Variants in PDE4C observed in about 807,000 individuals in gnomAD.
PDE4C encodes 3',5'-cyclic-AMP phosphodiesterase 4C.
In PDE4C, 50 loss-of-function variants were observed where a neutral mutation model predicts 63.9. The observed-to-expected ratio is 0.78, with a 90% confidence interval of 0.62 to 0.99. The LOEUF is 0.99. Among genes scored for constraint, PDE4C ranks in the 50% least tolerant of loss-of-function variants. The probability of loss-of-function intolerance (pLI) is 0.00; values close to 1 mark genes in which losing one functional copy is unlikely to be tolerated. For missense variants in PDE4C, 777 were observed against 899.1 expected, an observed-to-expected ratio of 0.86 and a Z score of 1.74; for synonymous variants, 377 against 385.1, an observed-to-expected ratio of 0.98 and a Z score of 0.25.
chr19:18,221,727 C>T (rs930018883), intron 2 of PDE4C, among the ~76,000 whole-genome samples: 1 of 152,056 alleles, frequency 6.6e-6, no homozygotes, highest in Non-Finnish European at 1.5e-5. Flanking sequence ...TGGGTTCAAG[C>T]GATTCTCGTG....
the PDE4C span, among the ~76,000 whole-genome samples, chr19:18,254,206 G>A: frequency 3.3e-5 from 5 of 152,190 alleles, no homozygotes; most frequent in Middle Eastern, 3.2e-3. Flanking sequence ...TGGGAAGAAC[G>A]CCCCTCAAGG....
At position 18,247,106 on chromosome 19, in the gene PDE4C, C is replaced by T. The variant is rs533730529; in HGVS notation, c.-210+1065G>A. The stretch of plus-strand genomic sequence containing the variant: ...GACCTCATGACCCACTGCTCAGGCC[C>T]GGGGGCAGCCAGGTCCCCTTTTCTT... On this transcript the variant is annotated intron_variant, in intron 1 of 15. Transcript: ENST00000594617. Among the ~76,000 whole-genome samples, 98 of 152,274 alleles carry T rather than the reference C, an allele frequency of 6.4e-4. 1 individual carries two copies. In the Middle Eastern group the frequency reaches 0.01, roughly 16 times the overall value.
intron 1 of PDE4C, chr19:18,248,125 C>G (rs1429734313): frequency 2.2e-6 from 1 of 455,566 alleles, no homozygotes; most frequent in South Asian, 1.5e-5. Context: ...CCCCCAAGCT[C>G]AAGAATAAGC....
upstream of PDE4C, among the ~76,000 whole-genome samples, chr19:18,229,894 C>A (rs146257556): frequency 6.6e-6 from 1 of 152,240 alleles, no homozygotes; most frequent in East Asian, 1.9e-4. Context: ...CACCTCACTT[C>A]TCTTGGCTTA....
intron 1 of PDE4C, among the ~76,000 whole-genome samples, chr19:18,240,778 G>C (rs1161780201): frequency 6.6e-6 from 1 of 152,228 alleles, no homozygotes; most frequent in African/African-American, 2.4e-5. Context: ...ATCAGGACCA[G>C]AGCCAGGGCA....
chr19:18,225,902 C>T (rs1026902186), intron 1 of PDE4C: 2 of 199,248 alleles, frequency 1.0e-5, no homozygotes, highest in Admixed American at 1.2e-4. Context: ...CCCCTCCTCC[C>T]ACTGCCAGGA....
intron 1 of PDE4C, among the ~76,000 whole-genome samples, chr19:18,247,287 T>G (rs1297033474): frequency 1.3e-5 from 2 of 152,002 alleles, no homozygotes; most frequent in Non-Finnish European, 2.9e-5. Context: ...CGAGCAGCTC[T>G]AAGTGTTTCT....
intron 13 of PDE4C, 118 bp from the exon 14 acceptor site, chr19:18,212,059 G>C (rs1967974757): frequency 1.0e-6 from 1 of 969,560 alleles, no homozygotes; most frequent in Non-Finnish European, 1.6e-6. Flanking sequence ...GGAAACTGAG[G>C]CCTGAGACCT....
intron 1 of PDE4C, among the ~76,000 whole-genome samples, chr19:18,246,917 A>C (rs1257102032): frequency 1.3e-5 from 2 of 152,142 alleles, no homozygotes; most frequent in African/African-American, 2.4e-5. Context: ...ACAGAGTGAG[A>C]CCCTGTCTAA....
intron 14 of PDE4C, 91 bp from the exon 15 acceptor site, chr19:18,211,367 C>T (rs1292223711): frequency 2.7e-6 from 3 of 1,120,654 alleles, no homozygotes; most frequent in South Asian, 1.6e-5. Context: ...CAAGTTGTTC[C>T]CTCTGCCTGG....
chr19:18,222,217 G>T, exon 2 of PDE4C: 1 of 1,614,140 alleles, frequency 6.2e-7, no homozygotes, highest in Non-Finnish European at 8.5e-7. Context: ...AAGGACTCGC[G>T]CCGCTGGCTG....
At chr19:18,252,659 C>T (rs987183608), upstream of PDE4C, among the ~76,000 whole-genome samples, 4 of 151,878 alleles carry the variant, frequency 2.6e-5, no homozygotes, top group Non-Finnish European at 5.9e-5. Context: ...GCTCTGTCAC[C>T]CAGGCTGGAG....
upstream of PDE4C, chr19:18,252,258 A>C: frequency 2.5e-6 from 1 of 399,106 alleles, no homozygotes; most frequent in Non-Finnish European, 4.4e-6. Flanking sequence ...GGAGGGTATC[A>C]TCCTTGAATC....
chr19:18,208,690 C>T (rs973124557), downstream of PDE4C: 1 of 152,258 alleles, frequency 6.6e-6, no homozygotes, highest in Non-Finnish European at 1.5e-5. Context: ...CAGATAAATG[C>T]TCAGTACCCC....
Position 18,218,407 on chromosome 19 carries a change from G to A in PDE4C, c.1061C>T (p.Ala354Val), listed in dbSNP as rs753824973. The A allele has an allele frequency of 3.1e-6, 5 of 1,614,240 alleles. No homozygotes were observed. In the East Asian group the frequency reaches 1.1e-4, roughly 36 times the overall value. ...GGCGGCATGTAGGCTGTTGTGGTAG[G>A]CCACATTGGCGTGGTAGTGACCTTC... Residue 354 changes from alanine (A) to valine (V), a missense_variant, in exon 10 of 15, where the codon GCC (alanine) becomes GTC (valine). By Grantham distance (64) the Ala-to-Val change is moderately conservative (BLOSUM62 0). This residue lies in a region of PDE4C where 500 missense variants were observed against 597.8 expected (regional missense o/e 0.84). Transcript: ENST00000262805.
upstream of PDE4C, among the ~76,000 whole-genome samples, chr19:18,227,645 A>G (rs1271581160): frequency 6.6e-6 from 1 of 152,186 alleles, no homozygotes; most frequent in Non-Finnish European, 1.5e-5. Context: ...TGTGTCACAC[A>G]AGGAGGAGGG....
upstream of PDE4C, among the ~76,000 whole-genome samples, chr19:18,237,608 C>T (rs890443113): frequency 2.0e-5 from 3 of 150,950 alleles, no homozygotes; most frequent in African/African-American, 7.3e-5. Flanking sequence ...CCCAGTGGCT[C>T]ACGCCTGTAA....
downstream of PDE4C, chr19:18,209,349 T>C (rs1295277599): frequency 6.6e-6 from 1 of 152,146 alleles, no homozygotes; most frequent in Non-Finnish European, 1.5e-5. Context: ...CCTCCCGGAT[T>C]CAAGCGATTC....
In PDE4C at chr19:18,226,449, G is replaced by C. The variant is rs1968730485; in HGVS notation, c.-34C>G. ...CTGCGTGGAGGCTGGACCGAGCGCCGGCTGCGCGGGACCTTTTCTGGACAG... is the reference window on the plus strand; with the variant it reads ...CTGCGTGGAGGCTGGACCGAGCGCCCGCTGCGCGGGACCTTTTCTGGACAG... On this transcript the variant is annotated 5_prime_UTR_variant, in exon 1 of 15. Coordinates refer to ENST00000262805, the Ensembl canonical transcript of PDE4C. The C allele has an allele frequency of 7.3e-7, 1 of 1,363,188 alleles. No homozygotes were observed. Among genetic ancestry groups the C allele is most frequent in the East Asian group, 3.1e-5 (1 of 32,066 alleles). The allele number at this position is 1,363,188 out of a possible 1,614,324, so 84.4% of individuals were successfully genotyped here. A position where few individuals can be genotyped will look rare whatever the true frequency, so the allele number is the denominator to read the frequency against.
Sources: gnomAD v4.1 joint callset for allele counts (sites outside exome capture counted in the v4.1 genomes callset) on GRCh38, gnomAD v4.1.1 for gene constraint, gnomAD v4.1.1 regional missense constraint, MANE v1.5 for transcripts, NCBI Gene and HGNC (gene_info 2026-07-23, HGNC 2026-07-21) for gene names.